The following MYO1B variants were observed in gnomAD, a reference collection of about 807,000 sequenced individuals.
MYO1B encodes unconventional myosin-Ib.
In MYO1B, 72 loss-of-function variants were observed where a neutral mutation model predicts 159.7. The ratio of observed to expected loss-of-function variants is 0.45; its 90% CI spans 0.37 to 0.55. The LOEUF (loss-of-function observed/expected upper bound fraction) is 0.55. Ranked by LOEUF, MYO1B falls within the 20% of genes least tolerant of loss-of-function variation. The pLI is 0.00. For missense variants in MYO1B, 1,062 were observed against 1,364.8 expected (o/e 0.78, Z 3.50); for synonymous variants, 468 against 473.8 (o/e 0.99, Z 0.16).
At position 191,275,695 on chromosome 2, in the gene MYO1B, A is replaced by G; in HGVS notation, c.-9-1192A>G. ...ATCAGTGGCAGGTATATATGTAAGT[A>G]TTTATTAGTATTCTGAAGTGTGATT... On this transcript the variant is annotated intron_variant, in intron 1 of 30. Coordinates refer to ENST00000392318, the MANE Select transcript of MYO1B (RefSeq NM_001130158.3). Among the ~76,000 whole-genome samples the G allele has an allele frequency of 1.3e-5, 2 of 152,252 alleles. 1 individual carries two copies. The highest frequency in any genetic ancestry group is 3.8e-4 in the East Asian group (2 of 5,200).
At chr2:191,350,672 T>G (rs1205554163) in intron 7 of MYO1B, among the ~76,000 whole-genome samples, 2 of 152,132 alleles carry the variant, frequency 1.3e-5, no homozygotes, top group African/African-American at 4.8e-5. Flanking sequence ...TCAGTCTTAT[T>G]TTGAGAAATG....
intron 1 of MYO1B, among the ~76,000 whole-genome samples, chr2:191,261,133 T>G (rs1469894918): frequency 6.6e-6 from 1 of 152,204 alleles, no homozygotes; most frequent in Non-Finnish European, 1.5e-5. Context: ...AGTGTGCTCT[T>G]GAGTTTCTTT....
At position 191,322,885 on chromosome 2, in the gene MYO1B, A is replaced by T. The variant is rs532896126; in HGVS notation, c.252-7050A>T. ...AAGTGACAAACAAGTTTATTAGAGA[A>T]TCAGAGGAACAAAAGAATGGCTACT... On this transcript the variant is annotated intron_variant, in intron 3 of 30. Coordinates refer to ENST00000392318, the MANE Select transcript of MYO1B (RefSeq NM_001130158.3). Among the ~76,000 whole-genome samples, 16 of 152,270 alleles carry T rather than the reference A, an allele frequency of 1.1e-4. No homozygotes were observed. The South Asian group carries it at 3.3e-3, about 32-fold the overall frequency.
rs375755425 is a variant in MYO1B, at chr2:191,329,929, C to A, written c.252-6C>A. 18 of 1,607,758 alleles carry A rather than the reference C, an allele frequency of 1.1e-5. No individual in the cohort carries two copies. The highest frequency in any genetic ancestry group is 1.5e-5 in the Non-Finnish European group (18 of 1,176,656). ...CTAAGGAATTTTTTTCCATTATCCC[C>A]TGCAGCTTTGCCCTTTCGGATGAAG... On this transcript the variant is annotated splice_polypyrimidine_tract_variant and splice_region_variant and intron_variant, in intron 3 of 30. Coordinates refer to ENST00000392318, the MANE Select transcript of MYO1B (RefSeq NM_001130158.3).
intron 1 of MYO1B, 60 bp from the exon 2 acceptor site, chr2:191,276,827 A>G (rs1484774772): frequency 1.9e-6 from 3 of 1,548,666 alleles, no homozygotes; most frequent in Non-Finnish European, 2.6e-6. Context: ...CAGTAGTGCC[A>G]AGAACCTATT....
At chr2:191,291,039 C>T (rs1420837327) in intron 2 of MYO1B, among the ~76,000 whole-genome samples, 5 of 152,168 alleles carry the variant, frequency 3.3e-5, no homozygotes, top group African/African-American at 1.2e-4. Flanking sequence ...CCTGGCCGTT[C>T]CCTACATCAT....
intron 1 of MYO1B, among the ~76,000 whole-genome samples, chr2:191,270,124 G>A (rs918871704): frequency 6.6e-6 from 1 of 152,010 alleles, no homozygotes; most frequent in Non-Finnish European, 1.5e-5. Context: ...TGGATGCAGC[G>A]CCACAATTTC....
At chr2:191,247,281 A>G (rs1181387774) in intron 1 of MYO1B, among the ~76,000 whole-genome samples, 1 of 152,154 alleles carries the variant, frequency 6.6e-6, no homozygotes, top group African/African-American at 2.4e-5. Flanking sequence ...TGACAAGCTG[A>G]GGGTCCGCCA....
intron 7 of MYO1B, among the ~76,000 whole-genome samples, chr2:191,357,055 C>A (rs13402265): frequency 0.022 from 3,361 of 152,252 alleles, 114 homozygotes; most frequent in African/African-American, 0.075. Context: ...TGGACCACTT[C>A]TTTTTCCAGG....
chr2:191,352,000 G>A (rs1165047576), intron 7 of MYO1B, among the ~76,000 whole-genome samples: 1 of 152,218 alleles, frequency 6.6e-6, no homozygotes, highest in Non-Finnish European at 1.5e-5. Flanking sequence ...TTAGAGAAAT[G>A]CCTTGAAGAG....
At chr2:191,299,244 AC>A (rs1162053351) in intron 3 of MYO1B, among the ~76,000 whole-genome samples, 2 of 152,160 alleles carry the variant, frequency 1.3e-5, no homozygotes, top group Non-Finnish European at 2.9e-5. Context: ...AAGGAAAAGA[AC>A]CACCACGAGC....
chr2:191,408,896 A>C, intron 25 of MYO1B, 148 bp from the exon 26 acceptor site: 12 of 791,060 alleles, frequency 1.5e-5, no homozygotes, highest in Non-Finnish European at 1.9e-5. Context: ...AGAGTGGAGT[A>C]GAGACTTCCC....
rs1695150636 is a variant in MYO1B, at chr2:191,383,276, T to C, written c.1291-4T>C. The C allele has an allele frequency of 6.4e-7, 1 of 1,566,040 alleles. No individual in the cohort carries two copies. The highest frequency in any genetic ancestry group is 1.4e-5 in the African/African-American group (1 of 72,038). On this transcript the variant is annotated splice_region_variant and splice_polypyrimidine_tract_variant and intron_variant, in intron 14 of 30. Transcript: ENST00000392318. ...ATTGGATTTTGTTCTGTTTTGTCTT[T>C]TAGGATATAGAATGGACTCACATTG...
chr2:191,423,257 G>A (rs1302728848), intron 30 of MYO1B, among the ~76,000 whole-genome samples: 1 of 152,162 alleles, frequency 6.6e-6, no homozygotes, highest in African/African-American at 2.4e-5. Flanking sequence ...ACTGTTTATA[G>A]CATGTTACTG....
chr2:191,415,955 T>C (rs1697537538), intron 29 of MYO1B, among the ~76,000 whole-genome samples, 160 bp from the exon 30 acceptor site: 1 of 152,198 alleles, frequency 6.6e-6, no homozygotes. Flanking sequence ...CTGAGCAAGT[T>C]GGAAGAAACA....
intron 15 of MYO1B, 119 bp from the exon 16 acceptor site, chr2:191,385,765 T>A (rs1342169654): frequency 1.8e-6 from 2 of 1,082,588 alleles, no homozygotes; most frequent in Non-Finnish European, 2.7e-6. Context: ...TGCTTTTTGT[T>A]ATAACTGAAC....
Position 191,421,548 on chromosome 2 carries a change from A to G in MYO1B, c.3288-2289A>G, listed in dbSNP as rs568357692. 7.9e-5 allele frequency among the ~76,000 whole-genome samples: 12 copies of G among 151,716 alleles called. No individual in the cohort carries two copies. The South Asian group carries it at 8.4e-4, about 11-fold the overall frequency. Reference sequence around the variant, plus strand: ...AGTCCGGTGGTGTGATCCCGGCTCAATGCAGCCTCCTCTGCCTCCTAGCTG... The same window carrying G: ...AGTCCGGTGGTGTGATCCCGGCTCAGTGCAGCCTCCTCTGCCTCCTAGCTG... On this transcript the variant is annotated intron_variant, in intron 30 of 30. Coordinates refer to ENST00000392318, the MANE Select transcript of MYO1B (RefSeq NM_001130158.3).
intron 2 of MYO1B, among the ~76,000 whole-genome samples, chr2:191,295,754 A>G (rs1200892390): frequency 6.6e-6 from 1 of 152,226 alleles, no homozygotes; most frequent in African/African-American, 2.4e-5. Context: ...AGCTCTATCT[A>G]GAATCAGGGA....
At chr2:191,338,844 C>T (rs900931259) in intron 4 of MYO1B, among the ~76,000 whole-genome samples, 10 of 152,114 alleles carry the variant, frequency 6.6e-5, no homozygotes, top group Admixed American at 5.2e-4. Context: ...AGAAAACTTA[C>T]CTTTTCATCT....
Sources: gnomAD v4.1 joint callset for allele counts (sites outside exome capture counted in the v4.1 genomes callset) on GRCh38, gnomAD v4.1.1 for gene constraint, MANE v1.5 for transcripts, NCBI Gene and HGNC (gene_info 2026-07-23, HGNC 2026-07-21) for gene names.